Variants in ADCY3 observed in about 807,000 individuals in gnomAD.
The protein encoded by ADCY3 is adenylate cyclase 3.
ADCY3 carries 70 observed loss-of-function variants against 119.4 expected under a neutral mutation model. That is an observed-to-expected ratio of 0.59 (90% CI 0.48 to 0.72). ADCY3 has a LOEUF of 0.72. Ranked by LOEUF, ADCY3 falls within the 30% of genes least tolerant of loss-of-function variation. ADCY3 has a pLI of 0.00. For synonymous variants in ADCY3, 672 were observed against 621.4 expected (o/e 1.08, Z -1.21); for missense variants, 1,238 against 1,541.6 (o/e 0.80, Z 3.30).
intron 7 of ADCY3, chr2:24,839,047 A>G: frequency 2.4e-6 from 1 of 425,368 alleles, no homozygotes; most frequent in Admixed American, 3.4e-5. Context: ...GGTTCAAGCA[A>G]TTCTCCTGCC....
chr2:24,835,736 G>A (rs978018763), intron 9 of ADCY3, among the ~76,000 whole-genome samples: 8 of 152,110 alleles, frequency 5.3e-5, no homozygotes, highest in African/African-American at 1.9e-4. Flanking sequence ...AGGAGTTTGA[G>A]ACCAGACTGG....
At position 24,821,621 on chromosome 2, in the gene ADCY3, T is replaced by C; in HGVS notation, c.3023A>G (p.Glu1008Gly). 1 of 1,614,030 alleles carries C rather than the reference T, an allele frequency of 6.2e-7. No homozygotes were observed. Among genetic ancestry groups the C allele is most frequent in the Non-Finnish European group, 8.5e-7 (1 of 1,179,988 alleles). Residue 1008 changes from glutamate to glycine, a missense_variant, in exon 20 of 22, where the codon GAG (glutamate) becomes GGG (glycine). By Grantham distance (98) the Glu-to-Gly change is moderately conservative (BLOSUM62 -2). Transcript: ENST00000679454. ...CAGGTCAGCCAGGTGCTGCCAGCGC[T>C]CTCTCTCGGACTTGTCTTCCTGTGC... ...SSNKEDKSER[E>G]RWQHLADLAD...
At chr2:24,917,866 C>A (rs954784640) in intron 2 of ADCY3, among the ~76,000 whole-genome samples, 1 of 152,230 alleles carries the variant, frequency 6.6e-6, no homozygotes, top group African/African-American at 2.4e-5. Flanking sequence ...CCGTGTCATG[C>A]AGGCAGAGCG....
chr2:24,853,008 GTGTGTGTGTGTGTGTGT>G (rs568300721), intron 3 of ADCY3, among the ~76,000 whole-genome samples: 15,288 of 87,514 alleles, frequency 0.17, 1,617 homozygotes, highest in African/African-American at 0.28. Context: ...GCTGGAGGGT[GTGTGTGTGTGTGTGTGT>G]GTGTGTGTGT....
At chr2:24,821,930 AGGTT>A in intron 19 of ADCY3, 1 of 350,316 alleles carries the variant, frequency 2.9e-6, no homozygotes. Flanking sequence ...CCTGGTCCTT[AGGTT>A]TTGTCAGGTT....
At chr2:24,910,488 T>A (rs1056328778) in intron 2 of ADCY3, among the ~76,000 whole-genome samples, 3 of 152,202 alleles carry the variant, frequency 2.0e-5, no homozygotes, top group African/African-American at 7.2e-5. Flanking sequence ...ACATGGTGAA[T>A]AAATGGACAT....
At position 24,841,454 on chromosome 2, in the gene ADCY3, G is replaced by T; in HGVS notation, c.1069-68C>A. 1 of 1,596,332 alleles carries T rather than the reference G, an allele frequency of 6.3e-7. No homozygotes were observed. Among genetic ancestry groups the T allele is most frequent in the Non-Finnish European group, 8.5e-7 (1 of 1,170,078 alleles). ...TGAGGGAGGAGTGGCCAAGAAAGCA[G>T]AGGAAGGACAGTGGGAGAAAATCAT... On this transcript the variant is annotated intron_variant, in intron 5 of 21. Transcript: ENST00000679454. The surrounding 1 kb of genome is among the most constrained non-coding windows in gnomAD (Gnocchi z 5.8).
In ADCY3 at chr2:24,872,582, C is replaced by G. The variant is rs1159107188; in HGVS notation, c.813G>C (p.Gln271His). The G allele has an allele frequency of 6.2e-7, 1 of 1,614,050 alleles. No individual in the cohort carries two copies. The highest frequency in any genetic ancestry group is 8.5e-7 in the Non-Finnish European group (1 of 1,180,006). The change falls in exon 3 of 22, where the codon CAG (glutamine) becomes CAC (histidine). Residue 271 changes from glutamine to histidine, a missense_variant. Around this residue, in one of 7 missense-constraint regions of ADCY3, gnomAD observed 283 missense variants for 437.2 expected, o/e 0.65. Transcript: ENST00000679454. This position sits in a 1 kb window ranked among gnomAD's most constrained non-coding sequence, Gnocchi z 4.4. Reference protein sequence around the residue: ...SLEVKMNLEEQSQQQENLMLS... With the variant: ...SLEVKMNLEEHSQQQENLMLS... ...CCGAGAGCCTCACCTGCTGCTGGCT[C>G]TGCTCTTCCAGGTTCATCTTCACCT...
In ADCY3 at chr2:24,839,958, C is replaced by T. The variant is rs1377707234; in HGVS notation, c.1270G>A (p.Val424Ile). 1.3e-5 allele frequency: 21 copies of T among 1,613,878 alleles called. No homozygotes were observed. The highest frequency in any genetic ancestry group is 1.7e-5 in the Non-Finnish European group (20 of 1,180,026). The change falls in exon 7 of 22, where the codon GTC (valine) becomes ATC (isoleucine). Residue 424 changes from valine to isoleucine, a missense_variant. Transcript: ENST00000679454. ...TACTGCCAGCGCTTCTGGCCCAGGA[C>T]GCCCCCCAGCACGGTGCCCGTGTGC... is the stretch of plus-strand genomic sequence containing the variant. ...GVHTGTVLGG[V>I]LGQKRWQYDV...
chr2:24,865,477 A>C (rs1014662775), intron 3 of ADCY3, among the ~76,000 whole-genome samples: 1 of 143,512 alleles, frequency 7.0e-6, no homozygotes, highest in Non-Finnish European at 1.5e-5. Flanking sequence ...AAAAGAGTGA[A>C]TAGGCTATCA....
chr2:24,884,314 C>T (rs1676751629), intron 2 of ADCY3, among the ~76,000 whole-genome samples: 1 of 152,126 alleles, frequency 6.6e-6, no homozygotes, highest in South Asian at 2.1e-4. Context: ...TACAGAATCA[C>T]TGTTCAAGGT....
chr2:24,852,280 C>T (rs534079055), intron 3 of ADCY3, among the ~76,000 whole-genome samples: 11 of 152,348 alleles, frequency 7.2e-5, no homozygotes, highest in Admixed American at 7.2e-4. Context: ...ACTGTCCCCA[C>T]GGCATCTGAT....
intron 2 of ADCY3, among the ~76,000 whole-genome samples, chr2:24,909,837 C>T (rs115354107): frequency 1.5e-3 from 226 of 152,314 alleles, no homozygotes; most frequent in African/African-American, 5.3e-3. Context: ...CTTACACACG[C>T]TACTCAAACA....
chr2:24,840,875 G>T (rs1242127980), intron 6 of ADCY3, among the ~76,000 whole-genome samples: 1 of 152,242 alleles, frequency 6.6e-6, no homozygotes, highest in Non-Finnish European at 1.5e-5. Context: ...GATGGAGAGG[G>T]CAGTGCCTTC....
At chr2:24,849,286 G>T (rs1672019095) in intron 3 of ADCY3, among the ~76,000 whole-genome samples, 1 of 152,132 alleles carries the variant, frequency 6.6e-6, no homozygotes, top group African/African-American at 2.4e-5. Flanking sequence ...CACAGTACTG[G>T]TTCTCCCTCC....
At chr2:24,845,288 G>C (rs1671535268) in intron 3 of ADCY3, among the ~76,000 whole-genome samples, 1 of 152,256 alleles carries the variant, frequency 6.6e-6, no homozygotes, top group Non-Finnish European at 1.5e-5. Flanking sequence ...GAAGAAGACA[G>C]GAAACTGTGG....
chr2:24,905,541 T>C (rs1189548163), intron 2 of ADCY3, among the ~76,000 whole-genome samples: 1 of 152,082 alleles, frequency 6.6e-6, no homozygotes, highest in Non-Finnish European at 1.5e-5. Flanking sequence ...GAAACAATGA[T>C]AGGGTGGATA....
chr2:24,853,792 C>T (rs185452163), intron 3 of ADCY3, among the ~76,000 whole-genome samples: 3 of 152,130 alleles, frequency 2.0e-5, no homozygotes, highest in Admixed American at 2.0e-4. Context: ...GGCCAGTGAG[C>T]CTTATCTCTT....
Position 24,842,415 on chromosome 2 carries a change from A to G in ADCY3, c.826-31T>C. ...AGGGGCAGGAGAGGGTCAGAGGCAAAGGTAGGCCCTGCTAGAGGCAAGTTC... is the reference window on the plus strand; with the variant it reads ...AGGGGCAGGAGAGGGTCAGAGGCAAGGGTAGGCCCTGCTAGAGGCAAGTTC... On this transcript the variant is annotated intron_variant, in intron 3 of 21. Transcript: ENST00000679454. The surrounding 1 kb of genome is among the most constrained non-coding windows in gnomAD (Gnocchi z 4.9). 1 of 1,613,572 alleles carries G rather than the reference A, an allele frequency of 6.2e-7. No homozygotes were observed. The highest frequency in any genetic ancestry group is 2.2e-5 in the East Asian group (1 of 44,844).
Sources: gnomAD v4.1 joint callset for allele counts (sites outside exome capture counted in the v4.1 genomes callset) on GRCh38, gnomAD v4.1.1 for gene constraint, gnomAD v4.1.1 regional missense constraint, Gnocchi (gnomAD v3.1) non-coding constraint, MANE v1.5 for transcripts, NCBI Gene and HGNC (gene_info 2026-07-23, HGNC 2026-07-21) for gene names.